Variants in CIITA observed in about 807,000 individuals in gnomAD.
CIITA encodes the protein MHC class II transactivator.
In CIITA, 72 loss-of-function variants were observed where a neutral mutation model predicts 115.1. The observed-to-expected ratio is 0.63, with a 90% CI of 0.52 to 0.76. CIITA has a LOEUF of 0.76. Among genes scored for constraint, CIITA ranks in the 30% least tolerant of loss-of-function variants. CIITA has a pLI of 0.00. For missense variants in CIITA, 1,617 were observed against 1,463.8 expected (o/e 1.10, Z -1.71); for synonymous variants, 763 against 635.6 (o/e 1.20, Z -3.02).
rs889159197 is a variant in CIITA at position 10,941,621 on chromosome 16, T to C, written n.747T>C. 1.1e-5 allele frequency: 17 copies of C among 1,512,888 alleles called. No homozygotes were observed. The Admixed American group carries it at 3.8e-4, about 34-fold the overall frequency. 93.7% of individuals were successfully genotyped at this position (1,512,888 alleles called of 1,614,324 possible). A position where few individuals can be genotyped will look rare whatever the true frequency, so the allele number is the denominator to read the frequency against. ...TCCTGGGGAACCATCCCCGTCCAGATGGTGCCCCCAACCAGCTGCGGCGGC... is the reference window on the plus strand; with the variant it reads ...TCCTGGGGAACCATCCCCGTCCAGACGGTGCCCCCAACCAGCTGCGGCGGC... On this transcript the variant is annotated non_coding_transcript_exon_variant, in exon 2 of 2. Coordinates refer to the CIITA transcript ENST00000573379. This position sits in a 1 kb window ranked among gnomAD's most constrained non-coding sequence, Gnocchi z 6.4.
chr16:10,877,171 A>C, upstream of CIITA: 1 of 703,594 alleles, frequency 1.4e-6, no homozygotes, highest in Non-Finnish European at 2.6e-6. Flanking sequence ...ATGTTGGCTT[A>C]GCTTGGCGGG....
At chr16:10,894,958 T>TA (rs2037973791) in intron 1 of CIITA, among the ~76,000 whole-genome samples, 1 of 152,170 alleles carries the variant, frequency 6.6e-6, no homozygotes, top group South Asian at 2.1e-4. Context: ...AGGAGGTGCT[T>TA]TATAAACCTT....
upstream of CIITA, among the ~76,000 whole-genome samples, chr16:10,876,429 C>T (rs1198621349): frequency 6.6e-6 from 1 of 152,186 alleles, no homozygotes; most frequent in Non-Finnish European, 1.5e-5. Context: ...TAGCAAGATA[C>T]TGTTGACTGT....
chr16:10,921,509 T>C (rs2040268361), intron 16 of CIITA, among the ~76,000 whole-genome samples: 1 of 152,182 alleles, frequency 6.6e-6, no homozygotes. Flanking sequence ...CACCAAGGCA[T>C]GTTCTAAATG....
downstream of CIITA, chr16:10,939,122 G>A (rs906666803): frequency 6.6e-6 from 1 of 152,200 alleles, no homozygotes; most frequent in Non-Finnish European, 1.5e-5. This position sits in a 1 kb window ranked among gnomAD's most constrained non-coding sequence, Gnocchi z 4.9. Flanking sequence ...ACACAGGAGT[G>A]CGATACAATC....
intron 1 of CIITA, among the ~76,000 whole-genome samples, chr16:10,871,848 G>T (rs1309546739): frequency 6.6e-6 from 1 of 152,218 alleles, no homozygotes; most frequent in Non-Finnish European, 1.5e-5. Context: ...CACAGAAGGA[G>T]ACACACCTGT....
upstream of CIITA, among the ~76,000 whole-genome samples, chr16:10,874,875 C>T (rs1365907228): frequency 6.6e-6 from 1 of 152,188 alleles, no homozygotes; most frequent in Non-Finnish European, 1.5e-5. Context: ...CATAAAGGGA[C>T]CCCCATATGG....
downstream of CIITA, chr16:10,938,962 C>T (rs1443288932): frequency 6.6e-6 from 1 of 152,222 alleles, no homozygotes; most frequent in Non-Finnish European, 1.5e-5. The surrounding 1 kb of genome is among the most constrained non-coding windows in gnomAD (Gnocchi z 4.9). Flanking sequence ...ATAAGACGTT[C>T]CTCACCAAGT....
Position 10,941,473 on chromosome 16 carries a change from A to T in CIITA, n.599A>T, listed in dbSNP as rs1347190155. On this transcript the variant is annotated non_coding_transcript_exon_variant, in exon 2 of 2. Transcript: ENST00000573379. This position sits in a 1 kb window ranked among gnomAD's most constrained non-coding sequence, Gnocchi z 6.4. ...ACCTGGAGGAGGTGAACGGAGGAGA[A>T]GCCTGAGGGAGGGGTGTGTATCCGG... 2.1e-5 allele frequency: 26 copies of T among 1,226,984 alleles called. No individual in the cohort carries two copies. Among genetic ancestry groups the T allele is most frequent in the Non-Finnish European group, 2.6e-5 (25 of 948,364 alleles). 76.0% of individuals were successfully genotyped at this position (1,226,984 alleles called of 1,614,324 possible). A position where few individuals can be genotyped will look rare whatever the true frequency, so the allele number is the denominator to read the frequency against.
chr16:10,923,015 C>T lies in CIITA; in HGVS notation c.3318-213C>T, dbSNP rs2040358282. The T allele has an allele frequency of 1.7e-6, 1 of 596,252 alleles. No individual in the cohort carries two copies. Among genetic ancestry groups the T allele is most frequent in the Non-Finnish European group, 3.0e-6 (1 of 333,094 alleles). The allele number at this position is 596,252 out of a possible 1,614,324, so 36.9% of individuals were successfully genotyped here. On this transcript the variant is annotated intron_variant, in intron 18 of 19. Transcript: ENST00000324288. The surrounding 1 kb of genome is among the most constrained non-coding windows in gnomAD (Gnocchi z 5.2). ...AGCAGTTAACTAACCTTTCTGGGGT[C>T]ACACAGCAAGTCAGCTGCAGAACCA...
chr16:10,907,165 G>A lies in CIITA; in HGVS notation c.1673G>A (p.Ser558Asn). The A allele has an allele frequency of 1.9e-6, 3 of 1,613,128 alleles. No individual in the cohort carries two copies. Among genetic ancestry groups the A allele is most frequent in the Non-Finnish European group, 2.5e-6 (3 of 1,179,872 alleles). ...CGGGGCCGCCTGGTCCAGAGCCTGA[G>A]CAAGGCCGACGCCCTATTTGAGCTG... ...RPRGRLVQSL[S>N]KADALFELSG... The change falls in exon 11 of 20, where the codon AGC becomes AAC. Residue 558 changes from serine (S) to asparagine (N), a missense_variant. Transcript: ENST00000324288. This position sits in a 1 kb window ranked among gnomAD's most constrained non-coding sequence, Gnocchi z 5.0.
At chr16:10,876,069 G>A (rs895315658), upstream of CIITA, among the ~76,000 whole-genome samples, 3 of 151,948 alleles carry the variant, frequency 2.0e-5, no homozygotes, top group African/African-American at 7.2e-5. Context: ...AGAATCAGTT[G>A]AACCCAGAAC....
At position 10,906,275 on chromosome 16, in the gene CIITA, G is replaced by A. The variant is rs118024953; in HGVS notation, c.1007-224G>A. Among the ~76,000 whole-genome samples, 36 of 152,290 alleles carry A rather than the reference G, an allele frequency of 2.4e-4. No individual in the cohort carries two copies. In the East Asian group the frequency reaches 5.0e-3, roughly 21 times the overall value. On this transcript the variant is annotated intron_variant, in intron 10 of 19. Coordinates refer to ENST00000324288, the MANE Select transcript of CIITA (RefSeq NM_000246.4). ...CTTGGGAGGTGGAGTCAGGAGGATCGCATGAGCCCAGGAGGTTGAGGTTGC... is the reference window on the plus strand; with the variant it reads ...CTTGGGAGGTGGAGTCAGGAGGATCACATGAGCCCAGGAGGTTGAGGTTGC...
chr16:10,898,422 A>G (rs2038358251), intron 3 of CIITA, among the ~76,000 whole-genome samples: 1 of 152,014 alleles, frequency 6.6e-6, no homozygotes, highest in African/African-American at 2.4e-5. Flanking sequence ...TAACTCTACC[A>G]TTCTGCCTTG....
intron 13 of CIITA, chr16:10,914,987 A>C (rs2039849597): frequency 2.2e-6 from 1 of 450,728 alleles, no homozygotes; most frequent in South Asian, 1.6e-5. Context: ...CTGGCTCCCT[A>C]CTTAGAGACA....
chr16:10,936,115 C>T lies in CIITA; in HGVS notation c.*12260C>T, dbSNP rs1050490456. ...AAGCAATCCTCCTGCCTGAGCCTTC[C>T]GAGTAACTGGGACTATGGGCGTGTA... is the stretch of plus-strand genomic sequence containing the variant. On this transcript the variant is annotated 3_prime_UTR_variant, in exon 20 of 20. Transcript: ENST00000324288. 5.9e-5 allele frequency: 9 copies of T among 151,998 alleles called. No individual in the cohort carries two copies. Among genetic ancestry groups the T allele is most frequent in the East Asian group, 1.9e-4 (1 of 5,184 alleles). The allele number at this position is 151,998 out of a possible 1,614,324, so 9.4% of individuals were successfully genotyped here.
intron 1 of CIITA, among the ~76,000 whole-genome samples, chr16:10,870,169 CAAAAAAAA>C (rs34256366): frequency 1.5e-4 from 7 of 46,246 alleles, no homozygotes; most frequent in East Asian, 8.2e-4. Context: ...GTACTTCCTG[CAAAAAAAA>C]AAAAAAAAAA....
Position 10,935,499 on chromosome 16 carries a change from TG to T in CIITA, c.*11645del, listed in dbSNP as rs1211991510. ...CAAGCGATGATGATTTTCTCTTTAG[TG>T]ACAGACATTTTTTAAAAAATAAATT... On this transcript the variant is annotated 3_prime_UTR_variant, in exon 20 of 20. Coordinates refer to ENST00000324288, the MANE Select transcript of CIITA (RefSeq NM_000246.4). 5 of 152,394 alleles carry T rather than the reference TG, an allele frequency of 3.3e-5. No individual in the cohort carries two copies. Among genetic ancestry groups the T allele is most frequent in the African/African-American group, 1.2e-4 (5 of 41,596 alleles). The allele number at this position is 152,394 out of a possible 1,614,324, so 9.4% of individuals were successfully genotyped here. A position where few individuals can be genotyped will look rare whatever the true frequency, so the allele number is the denominator to read the frequency against.
intron 1 of CIITA, among the ~76,000 whole-genome samples, chr16:10,868,576 G>C (rs1215112152): frequency 6.6e-6 from 1 of 152,058 alleles, no homozygotes; most frequent in African/African-American, 2.4e-5. Flanking sequence ...TTCTCCCTTG[G>C]CTTCTCAACA....
Sources: gnomAD v4.1 joint callset for allele counts (sites outside exome capture counted in the v4.1 genomes callset) on GRCh38, gnomAD v4.1.1 for gene constraint, Gnocchi (gnomAD v3.1) non-coding constraint, MANE v1.5 for transcripts, NCBI Gene and HGNC (gene_info 2026-07-23, HGNC 2026-07-21) for gene names.